The following SGCZ variants were observed in gnomAD, a reference collection of about 807,000 sequenced individuals.
SGCZ encodes the protein zeta-sarcoglycan.
In SGCZ, 40 loss-of-function variants were observed where a neutral mutation model predicts 41.3. The observed-to-expected ratio is 0.97, with a 90% CI of 0.75 to 1.26. SGCZ has a LOEUF of 1.26. Ranked by LOEUF, SGCZ falls within the 50% of genes most tolerant of loss-of-function variation. The pLI is 0.00. For synonymous variants in SGCZ, 206 were observed against 137.5 expected (o/e 1.50, Z -3.49); for missense variants, 552 against 369.8 (o/e 1.49, Z -4.04).
At chr8:14,446,295 A>T (rs1800430877) in intron 2 of SGCZ, among the ~76,000 whole-genome samples, 1 of 152,184 alleles carries the variant, frequency 6.6e-6, no homozygotes, top group Non-Finnish European at 1.5e-5. Flanking sequence ...GTCACTCACC[A>T]AAGCTTACCA....
At chr8:14,567,872 C>G (rs1343222929) in intron 1 of SGCZ, among the ~76,000 whole-genome samples, 1 of 152,174 alleles carries the variant, frequency 6.6e-6, no homozygotes, top group Non-Finnish European at 1.5e-5. Flanking sequence ...GCCAGAGAGA[C>G]CACGAATCCA....
intron 1 of SGCZ, among the ~76,000 whole-genome samples, chr8:15,136,640 C>A (rs1173994679): frequency 6.6e-6 from 1 of 152,022 alleles, no homozygotes; most frequent in Non-Finnish European, 1.5e-5. Context: ...AGATCTGATG[C>A]TTTTATTAGT....
intron 1 of SGCZ, among the ~76,000 whole-genome samples, chr8:14,904,912 T>A (rs142172488): frequency 1.4e-3 from 212 of 152,094 alleles, no homozygotes; most frequent in African/African-American, 4.8e-3. Context: ...TCTCCTCCTA[T>A]GTTTTAAATT....
intron 3 of SGCZ, among the ~76,000 whole-genome samples, chr8:14,255,152 G>A (rs4360295): frequency 0.67 from 102,305 of 151,938 alleles, 34,810 homozygotes; most frequent in South Asian, 0.8. Flanking sequence ...AAGTCACTAC[G>A]CTTATCAGCC....
At chr8:14,559,649 T>C (rs1244403110) in intron 1 of SGCZ, among the ~76,000 whole-genome samples, 1 of 152,130 alleles carries the variant, frequency 6.6e-6, no homozygotes, top group Non-Finnish European at 1.5e-5. Context: ...TACTGTAATT[T>C]CAAACTGCAT....
At chr8:14,441,541 C>T (rs1172234031) in intron 2 of SGCZ, among the ~76,000 whole-genome samples, 1 of 152,122 alleles carries the variant, frequency 6.6e-6, no homozygotes, top group East Asian at 1.9e-4. Context: ...CGTCACTGCA[C>T]TCCAGCCTGG....
rs563610106 is a variant in SGCZ at position 14,553,644 on chromosome 8, T to C, written c.234+1088A>G. Among the ~76,000 whole-genome samples, 92 of 152,150 alleles carry C rather than the reference T, an allele frequency of 6.0e-4. 2 individuals are homozygous for C. The South Asian group carries it at 0.012, about 20-fold the overall frequency. On this transcript the variant is annotated intron_variant, in intron 2 of 7. Transcript: ENST00000382080. ...CACAGGCTCCTTGCTCACATAATTGTGGTGCCTTACAACATGGACGGCAGC... is the reference window on the plus strand; with the variant it reads ...CACAGGCTCCTTGCTCACATAATTGCGGTGCCTTACAACATGGACGGCAGC...
chr8:14,554,274 C>A (rs571184663), intron 2 of SGCZ, among the ~76,000 whole-genome samples: 1 of 152,006 alleles, frequency 6.6e-6, no homozygotes, highest in African/African-American at 2.4e-5. Flanking sequence ...CAGATTCAGT[C>A]ATGCAGTGTG....
At chr8:14,700,429 A>G (rs1406467413) in intron 1 of SGCZ, among the ~76,000 whole-genome samples, 2 of 151,906 alleles carry the variant, frequency 1.3e-5, no homozygotes, top group African/African-American at 2.4e-5. Context: ...TGCACAAAAG[A>G]TAGGAATAAT....
intron 2 of SGCZ, among the ~76,000 whole-genome samples, chr8:14,476,423 AT>A (rs1801362546): frequency 6.6e-6 from 1 of 152,004 alleles, no homozygotes; most frequent in African/African-American, 2.4e-5. Context: ...TGCTGAGTCT[AT>A]TTCTCTGGAG....
chr8:14,156,369 G>T (rs1357952291), intron 5 of SGCZ, among the ~76,000 whole-genome samples: 1 of 152,068 alleles, frequency 6.6e-6, no homozygotes, highest in African/African-American at 2.4e-5. Context: ...GCTGAGGCGG[G>T]AGAATGGCAT....
In SGCZ at chr8:14,289,359, G is replaced by A. The variant is rs1050306233; in HGVS notation, c.336+34744C>T. Among the ~76,000 whole-genome samples the A allele has an allele frequency of 3.9e-5, 6 of 151,934 alleles. No homozygotes were observed. The East Asian group carries it at 1.2e-3, about 29-fold the overall frequency. ...AAACCATTGTCAAATCCAAAGTTAT[G>A]AATTAATACCCCTATATTTTCTTCA... On this transcript the variant is annotated intron_variant, in intron 3 of 7. Transcript: ENST00000382080.
chr8:14,945,578 G>A (rs1800416089), intron 1 of SGCZ, among the ~76,000 whole-genome samples: 1 of 152,022 alleles, frequency 6.6e-6, no homozygotes, highest in East Asian at 1.9e-4. Flanking sequence ...TAGAAAGCTA[G>A]TAAAGCATTC....
intron 1 of SGCZ, among the ~76,000 whole-genome samples, chr8:14,717,523 G>A (rs1809730743): frequency 6.6e-6 from 1 of 152,122 alleles, no homozygotes; most frequent in Non-Finnish European, 1.5e-5. Context: ...TCAAGGAGAG[G>A]AGAGTTCTGT....
At chr8:14,446,985 C>A (rs1393143270) in intron 2 of SGCZ, among the ~76,000 whole-genome samples, 1 of 152,144 alleles carries the variant, frequency 6.6e-6, no homozygotes, top group East Asian at 1.9e-4. Context: ...AGCTTTAGAT[C>A]TTTGAAAGTA....
Position 14,087,016 on chromosome 8 carries a change from C to T in SGCZ, c.*3427G>A, listed in dbSNP as rs1400167499. Among the ~76,000 whole-genome samples, 1 of 151,522 alleles carries T rather than the reference C, an allele frequency of 6.6e-6. No homozygotes were observed. The highest frequency in any genetic ancestry group is 1.5e-5 in the Non-Finnish European group (1 of 67,704). On this transcript the variant is annotated 3_prime_UTR_variant, in exon 8 of 8. Coordinates refer to ENST00000382080, the MANE Select transcript of SGCZ (RefSeq NM_139167.4). ...TAAGTAGGTAAGTTCACATGACTAGCCAGGGGCAGAACTAGAACTGGAATT... is the reference window on the plus strand; with the variant it reads ...TAAGTAGGTAAGTTCACATGACTAGTCAGGGGCAGAACTAGAACTGGAATT...
chr8:14,712,271 C>A (rs1809544613), intron 1 of SGCZ, among the ~76,000 whole-genome samples: 1 of 152,224 alleles, frequency 6.6e-6, no homozygotes, highest in Non-Finnish European at 1.5e-5. Context: ...CGTCCTGAAA[C>A]CCTTGCAGGC....
At chr8:14,912,642 T>C (rs1332542374) in intron 1 of SGCZ, among the ~76,000 whole-genome samples, 3 of 152,012 alleles carry the variant, frequency 2.0e-5, no homozygotes, top group East Asian at 1.9e-4. Context: ...TAGAACAGCA[T>C]AGCAAAACTC....
intron 1 of SGCZ, among the ~76,000 whole-genome samples, chr8:14,989,547 G>A (rs941823973): frequency 3.9e-5 from 6 of 152,002 alleles, no homozygotes; most frequent in Admixed American, 2.0e-4. Context: ...GTCTATCAAG[G>A]TGGGTAAGCA....
Sources: gnomAD v4.1 joint callset for allele counts (sites outside exome capture counted in the v4.1 genomes callset) on GRCh38, gnomAD v4.1.1 for gene constraint, MANE v1.5 for transcripts, NCBI Gene and HGNC (gene_info 2026-07-23, HGNC 2026-07-21) for gene names.